Variants in UEVLD observed in about 807,000 individuals in gnomAD.
UEVLD encodes the protein UEV and lactate/malate dehyrogenase domains.
Under a neutral mutation model 58.6 loss-of-function variants are expected in UEVLD, and 47 were observed. The ratio of observed to expected loss-of-function variants is 0.80; its 90% confidence interval spans 0.63 to 1.02. The LOEUF (loss-of-function observed/expected upper bound fraction) is 1.02. Among genes scored for constraint, UEVLD ranks in the 50% least tolerant of loss-of-function variants. UEVLD has a pLI of 0.00. For missense variants in UEVLD, 510 were observed against 550.6 expected (o/e 0.93, Z 0.74); for synonymous variants, 197 against 195.3 (o/e 1.01, Z -0.07).
At position 18,575,424 on chromosome 11, in the gene UEVLD, A is replaced by C; in HGVS notation, c.128-12T>G. 6.3e-7 allele frequency: 1 copy of C among 1,586,846 alleles called. No individual in the cohort carries two copies. The highest frequency in any genetic ancestry group is 8.5e-7 in the Non-Finnish European group (1 of 1,173,488). The stretch of plus-strand genomic sequence containing the variant: ...ACTATCTTTAAAAACTAGAAGAAAA[A>C]AAAAAAAGCCCCAAAATGTGCAATC... On this transcript the variant is annotated splice_polypyrimidine_tract_variant and intron_variant, in intron 2 of 11. Coordinates refer to ENST00000396197, the MANE Select transcript of UEVLD (RefSeq NM_001040697.4).
intron 1 of UEVLD, chr11:18,587,812 C>T (rs1330741099): frequency 6.7e-6 from 1 of 149,106 alleles, no homozygotes; most frequent in Non-Finnish European, 1.5e-5. Context: ...AAAAAAAAAA[C>T]ACAAAAAACA....
At chr11:18,556,191 C>T (rs1223760469) in intron 7 of UEVLD, among the ~76,000 whole-genome samples, 1 of 152,174 alleles carries the variant, frequency 6.6e-6, no homozygotes, top group Non-Finnish European at 1.5e-5. Context: ...GGCCTCACAA[C>T]CTCTAGAGTC....
rs1238391090 is a variant in UEVLD at position 18,586,730 on chromosome 11, GTGAA to G, written c.42+1879_42+1882del. On this transcript the variant is annotated intron_variant, in intron 1 of 11. Coordinates refer to ENST00000396197, the MANE Select transcript of UEVLD (RefSeq NM_001040697.4). ...TAAACAATATTATTTGCAGACTGCA[GTGAA>G]TGGTCAGGAAACTTCATATATTTGC... 2.0e-5 allele frequency among the ~76,000 whole-genome samples: 3 copies of G among 152,200 alleles called. No homozygotes were observed. The East Asian group carries it at 5.8e-4, about 29-fold the overall frequency.
chr11:18,587,238 A>G (rs1853622212), intron 1 of UEVLD, among the ~76,000 whole-genome samples: 1 of 152,158 alleles, frequency 6.6e-6, no homozygotes, highest in Non-Finnish European at 1.5e-5. Flanking sequence ...ACAATCCATC[A>G]TCCTCTGCAC....
chr11:18,569,571 G>T (rs963698178), intron 4 of UEVLD, among the ~76,000 whole-genome samples: 2 of 152,028 alleles, frequency 1.3e-5, no homozygotes, highest in Non-Finnish European at 2.9e-5. Flanking sequence ...AATGTCTTAC[G>T]TTAGGGCAAT....
At chr11:18,570,911 C>A in intron 3 of UEVLD, among the ~76,000 whole-genome samples, 1 of 144,596 alleles carries the variant, frequency 6.9e-6, no homozygotes, top group Middle Eastern at 3.6e-3. Flanking sequence ...TTAATTAAAA[C>A]AATGGCCAAA....
At chr11:18,549,327 T>C (rs1365718555) in intron 7 of UEVLD, among the ~76,000 whole-genome samples, 3 of 152,212 alleles carry the variant, frequency 2.0e-5, no homozygotes, top group East Asian at 3.8e-4. Flanking sequence ...CCCCAGGCTA[T>C]TGTGATTATT....
rs970639748 is a variant in UEVLD at position 18,575,449 on chromosome 11, C to G, written c.128-37G>C. 5.1e-6 allele frequency: 8 copies of G among 1,571,294 alleles called. No homozygotes were observed. In the African/African-American group the frequency reaches 9.8e-5, roughly 19 times the overall value. On this transcript the variant is annotated intron_variant, in intron 2 of 11. Coordinates refer to ENST00000396197, the MANE Select transcript of UEVLD (RefSeq NM_001040697.4). ...AAAAAAAAGCCCCAAAATGTGCAATCAGAAACAGAAAGAACTGTAGTAAAG... is the reference window on the plus strand; with the variant it reads ...AAAAAAAAGCCCCAAAATGTGCAATGAGAAACAGAAAGAACTGTAGTAAAG...
intron 7 of UEVLD, among the ~76,000 whole-genome samples, chr11:18,555,326 T>C (rs1374645705): frequency 6.6e-6 from 1 of 151,726 alleles, no homozygotes. Context: ...CTCGGGAGGC[T>C]GAGGCGGGAG....
At chr11:18,559,237 C>T (rs1336417884) in intron 6 of UEVLD, among the ~76,000 whole-genome samples, 2 of 151,988 alleles carry the variant, frequency 1.3e-5, no homozygotes, top group South Asian at 2.1e-4. Context: ...CTTGCTCTGT[C>T]GCCCAGGCTG....
intron 1 of UEVLD, among the ~76,000 whole-genome samples, chr11:18,583,556 T>C (rs558784288): frequency 6.6e-6 from 1 of 152,150 alleles, no homozygotes; most frequent in Admixed American, 6.5e-5. Context: ...TTACATGACT[T>C]TGCTCAAATG....
Position 18,560,090 on chromosome 11 carries a change from T to TACACACACACACACACACAC in UEVLD, c.613-1780_613-1761dup, listed in dbSNP as rs71050609. Among the ~76,000 whole-genome samples, 516 of 76,008 alleles carry TACACACACACACACACACAC rather than the reference T, an allele frequency of 6.8e-3. 24 individuals are homozygous for TACACACACACACACACACAC. Among genetic ancestry groups the TACACACACACACACACACAC allele is most frequent in the East Asian group, 8.6e-3 (20 of 2,314 alleles). 49.9% of individuals were successfully genotyped at this position (76,008 alleles called of 152,430 possible). A position where few individuals can be genotyped will look rare whatever the true frequency, so the allele number is the denominator to read the frequency against. On this transcript the variant is annotated intron_variant, in intron 6 of 11. Transcript: ENST00000396197. ...GGGCAACATGGCAAAACCCCGTCTC[T>TACACACACACACACACACAC]ACACACACACACACACACACACACA...
At chr11:18,567,170 A>G (rs968531408) in intron 4 of UEVLD, among the ~76,000 whole-genome samples, 1 of 151,742 alleles carries the variant, frequency 6.6e-6, no homozygotes, top group Admixed American at 6.6e-5. Flanking sequence ...TCAGAAAATT[A>G]ACACTAATAG....
intron 3 of UEVLD, among the ~76,000 whole-genome samples, chr11:18,571,943 A>G (rs1457180498): frequency 6.6e-6 from 1 of 152,182 alleles, no homozygotes; most frequent in Non-Finnish European, 1.5e-5. Flanking sequence ...CTCTCTTAAA[A>G]GAAAAAGAAC....
chr11:18,545,979 T>C, intron 8 of UEVLD, among the ~76,000 whole-genome samples: 1 of 152,212 alleles, frequency 6.6e-6, no homozygotes. Flanking sequence ...TACTTTTTTC[T>C]TACATTCCAA....
intron 5 of UEVLD, among the ~76,000 whole-genome samples, chr11:18,565,905 T>C (rs997938644): frequency 6.7e-6 from 1 of 149,498 alleles, no homozygotes; most frequent in African/African-American, 2.4e-5. Context: ...TTTTTCTTTT[T>C]TTTTTTTTTT....
intron 7 of UEVLD, among the ~76,000 whole-genome samples, chr11:18,551,247 T>C (rs1007951115): frequency 6.6e-6 from 1 of 151,888 alleles, no homozygotes; most frequent in African/African-American, 2.4e-5. Flanking sequence ...GCTAAGATGG[T>C]GAAACCCTGT....
intron 6 of UEVLD, among the ~76,000 whole-genome samples, chr11:18,560,089 C>CTA (rs1851943390): frequency 8.8e-5 from 3 of 34,172 alleles, no homozygotes; most frequent in Non-Finnish European, 2.5e-4. Context: ...AACCCCGTCT[C>CTA]TACACACACA....
At chr11:18,567,195 C>T (rs978832651) in intron 4 of UEVLD, among the ~76,000 whole-genome samples, 6 of 152,158 alleles carry the variant, frequency 3.9e-5, no homozygotes, top group Non-Finnish European at 5.9e-5. Flanking sequence ...TAATCTGGTA[C>T]TGTATTCTTT....
Sources: allele counts gnomAD v4.1 joint callset (sites outside exome capture counted in the v4.1 genomes callset), GRCh38; gene constraint gnomAD v4.1.1; transcripts MANE v1.5; gene names NCBI Gene and HGNC (gene_info 2026-07-23, HGNC 2026-07-21).